Variants in CGRRF1 observed in about 807,000 individuals in gnomAD.
CGRRF1 encodes cell growth regulator with ring finger domain 1.
A neutral mutation model predicts 37.2 loss-of-function variants in CGRRF1; 32 were observed. The observed-to-expected ratio is 0.86, with a 90% CI of 0.65 to 1.16. The LOEUF (loss-of-function observed/expected upper bound fraction) is 1.16. Ranked by LOEUF, CGRRF1 falls within the 50% of genes most tolerant of loss-of-function variation. CGRRF1 has a pLI of 0.00. For synonymous variants in CGRRF1, 141 were observed against 140.3 expected, an observed-to-expected ratio of 1.00 and a Z score of -0.04; for missense variants, 391 against 382.6, an observed-to-expected ratio of 1.02 and a Z score of -0.18.
At chr14:54,526,480 G>A (rs2032414233) in intron 2 of CGRRF1, among the ~76,000 whole-genome samples, 1 of 151,668 alleles carries the variant, frequency 6.6e-6, no homozygotes, top group East Asian at 1.9e-4. Context: ...AAAAAAAAAA[G>A]AAAACCAGAG....
At chr14:54,529,918 C>T (rs2032479438) in intron 2 of CGRRF1, 131 bp from the exon 3 acceptor site, 7 of 622,458 alleles carry the variant, frequency 1.1e-5, no homozygotes, top group Middle Eastern at 2.6e-4. Context: ...GGAGGCATAC[C>T]CTTTAACAAG....
intron 4 of CGRRF1, among the ~76,000 whole-genome samples, chr14:54,535,624 T>C (rs975634454): frequency 1.3e-5 from 2 of 152,154 alleles, no homozygotes; most frequent in Admixed American, 1.3e-4. Flanking sequence ...CCTTGATCTG[T>C]GAGGAGGCAC....
intron 1 of CGRRF1, among the ~76,000 whole-genome samples, chr14:54,521,912 A>G (rs1018697442): frequency 6.6e-6 from 1 of 152,162 alleles, no homozygotes; most frequent in Non-Finnish European, 1.5e-5. Flanking sequence ...TATAATCTCC[A>G]TACTCCTTTG....
Position 54,524,803 on chromosome 14 carries a change from A to G in CGRRF1, c.244+2210A>G, listed in dbSNP as rs1391680427. ...CTCCCCTCCCCGCTCCTTCCCTATA[A>G]TAGATAACAGTTCATTCTGATATTT... On this transcript the variant is annotated intron_variant, in intron 2 of 5. Transcript: ENST00000216420. Among the ~76,000 whole-genome samples, 3 of 152,130 alleles carry G rather than the reference A, an allele frequency of 2.0e-5. 1 individual carries two copies. In the South Asian group the frequency reaches 6.2e-4, roughly 32 times the overall value.
intron 1 of CGRRF1, chr14:54,510,352 A>AGGGCTT (rs907615073): frequency 2.7e-5 from 12 of 440,474 alleles, no homozygotes; most frequent in Admixed American, 8.0e-5. Context: ...GCAGCCAGGA[A>AGGGCTT]GGGCTTGGGC....
At chr14:54,523,331 T>G (rs2032354134) in intron 2 of CGRRF1, 1 of 154,150 alleles carries the variant, frequency 6.5e-6, no homozygotes, top group African/African-American at 2.4e-5. Context: ...ATATAACATG[T>G]TCTTTTGTAG....
intron 4 of CGRRF1, among the ~76,000 whole-genome samples, chr14:54,533,754 A>G (rs1445930279): frequency 2.0e-5 from 3 of 152,088 alleles, no homozygotes. Flanking sequence ...TTACTACAAA[A>G]TTTTGACTTT....
chr14:54,535,361 A>T (rs192163481), intron 4 of CGRRF1, among the ~76,000 whole-genome samples: 61 of 132,016 alleles, frequency 4.6e-4, no homozygotes, highest in Admixed American at 1.6e-3. Context: ...GGGTATAGTC[A>T]CACACACACA....
At chr14:54,531,130 G>C in intron 4 of CGRRF1, 80 bp downstream of exon 4, 1 of 1,189,754 alleles carries the variant, frequency 8.4e-7, no homozygotes, top group Non-Finnish European at 1.2e-6. Context: ...AATAGAAAAA[G>C]TTTTATTTTA....
At chr14:54,531,309 A>G (rs1231271871) in intron 4 of CGRRF1, among the ~76,000 whole-genome samples, 1 of 152,142 alleles carries the variant, frequency 6.6e-6, no homozygotes, top group Non-Finnish European at 1.5e-5. Flanking sequence ...TAGTTTCATC[A>G]TTAACACCTA....
intron 1 of CGRRF1, among the ~76,000 whole-genome samples, chr14:54,516,222 C>T (rs2032213840): frequency 6.6e-6 from 1 of 152,082 alleles, no homozygotes; most frequent in African/African-American, 2.4e-5. Flanking sequence ...ATTATAATTC[C>T]TCACGTAGTT....
chr14:54,536,486 G>A (rs574473158), intron 4 of CGRRF1: 2 of 152,082 alleles, frequency 1.3e-5, no homozygotes, highest in African/African-American at 4.8e-5. Flanking sequence ...CATTGGAATT[G>A]TACCTTTTTG....
At chr14:54,521,426 A>C (rs1313382913) in intron 1 of CGRRF1, among the ~76,000 whole-genome samples, 2 of 151,022 alleles carry the variant, frequency 1.3e-5, no homozygotes, top group African/African-American at 4.9e-5. Flanking sequence ...ACGCCATTGC[A>C]CTCCAGCCTG....
intron 4 of CGRRF1, among the ~76,000 whole-genome samples, chr14:54,535,393 A>ACACACACACACACACC (rs1252336754): frequency 9.3e-5 from 14 of 150,954 alleles, no homozygotes; most frequent in African/African-American, 3.2e-4. Context: ...ACACACACAC[A>ACACACACACACACACC]CTTTTTGTAA....
intron 4 of CGRRF1, 185 bp downstream of exon 4, chr14:54,531,235 C>A: frequency 1.9e-6 from 1 of 538,020 alleles, no homozygotes; most frequent in Non-Finnish European, 3.3e-6. Flanking sequence ...CATTTCTTGC[C>A]TTATGGGTCA....
Position 54,530,969 on chromosome 14 carries a change from T to C in CGRRF1, c.489T>C (p.Phe163=), listed in dbSNP as rs768693169. ...CAAGAGATACTAAAATTGAAGACTT[T>C]GGTACAGTACCCAGATCTCGCTATC... ...QLPRDTKIED[F]GTVPRSRYPL... is the part of the protein sequence containing the mutation. The change falls in exon 4 of 6, where the codon TTT becomes TTC. Residue 163 remains phenylalanine (F), a synonymous_variant. Transcript: ENST00000216420. The C allele has an allele frequency of 1.2e-6, 2 of 1,608,772 alleles. No individual in the cohort carries two copies. The highest frequency in any genetic ancestry group is 2.2e-5 in the East Asian group (1 of 44,792).
chr14:54,535,667 A>T (rs908178145), intron 4 of CGRRF1, among the ~76,000 whole-genome samples: 7 of 152,008 alleles, frequency 4.6e-5, no homozygotes, highest in African/African-American at 1.5e-4. Flanking sequence ...GCTTTTTATT[A>T]AAAAAAATTT....
chr14:54,510,090 A>G (rs1176315565), intron 1 of CGRRF1, 27 bp downstream of exon 1: 2 of 1,536,630 alleles, frequency 1.3e-6, no homozygotes, highest in Non-Finnish European at 1.8e-6. Flanking sequence ...TGAGAGACGA[A>G]GGGGCGGATA....
intron 4 of CGRRF1, chr14:54,537,003 G>A (rs1183853949): frequency 6.6e-6 from 1 of 151,914 alleles, no homozygotes; most frequent in African/African-American, 2.4e-5. Context: ...TGATTCTTAT[G>A]TATGGTATGA....
Sources: allele counts gnomAD v4.1 joint callset (sites outside exome capture counted in the v4.1 genomes callset), GRCh38; gene constraint gnomAD v4.1.1; transcripts MANE v1.5; gene names NCBI Gene and HGNC (gene_info 2026-07-23, HGNC 2026-07-21).